LRRTM4: variants seen among roughly 807,000 people sequenced by gnomAD.
LRRTM4 encodes the protein leucine rich repeat transmembrane neuronal 4.
Under a neutral mutation model 47.6 loss-of-function variants are expected in LRRTM4, and 25 were observed. That is an observed-to-expected ratio of 0.53 (90% confidence interval 0.38 to 0.73). The LOEUF (loss-of-function observed/expected upper bound fraction) is 0.73. Among genes scored for constraint, LRRTM4 ranks in the 30% least tolerant of loss-of-function variants. The probability of loss-of-function intolerance (pLI) is 0.00; values close to 1 mark genes in which losing one functional copy is unlikely to be tolerated. For missense variants in LRRTM4, 638 were observed against 713.4 expected (o/e 0.89, Z 1.20); for synonymous variants, 311 against 269.5 (o/e 1.15, Z -1.51).
At chr2:77,165,924 C>T (rs979065965) in intron 3 of LRRTM4, among the ~76,000 whole-genome samples, 1 of 152,162 alleles carries the variant, frequency 6.6e-6, no homozygotes, top group African/African-American at 2.4e-5. Context: ...CCTCTCTCAC[C>T]ACTCCTAGTC....
intron 3 of LRRTM4, among the ~76,000 whole-genome samples, chr2:77,448,354 T>A (rs1676132595): frequency 6.6e-6 from 1 of 152,170 alleles, no homozygotes; most frequent in Non-Finnish European, 1.5e-5. Context: ...AGAGACGAAA[T>A]TATCACTCAT....
At chr2:76,889,388 A>C (rs1399868436) in intron 3 of LRRTM4, among the ~76,000 whole-genome samples, 1 of 151,986 alleles carries the variant, frequency 6.6e-6, no homozygotes, top group Non-Finnish European at 1.5e-5. Context: ...TCTTAAAGAA[A>C]ACAAATGAGA....
intron 3 of LRRTM4, among the ~76,000 whole-genome samples, chr2:77,048,739 T>A (rs1433196645): frequency 6.6e-6 from 1 of 151,946 alleles, no homozygotes; most frequent in Non-Finnish European, 1.5e-5. Flanking sequence ...TTAGCATATC[T>A]ATCATCTCAT....
chr2:77,216,757 GTGCATC>G (rs1252908301), intron 3 of LRRTM4, among the ~76,000 whole-genome samples: 6 of 151,558 alleles, frequency 4.0e-5, no homozygotes. Flanking sequence ...AGACTTAGTT[GTGCATC>G]TGTATCACTT....
Position 77,522,159 on chromosome 2 carries a change from A to T in LRRTM4, c.-198T>A, listed in dbSNP as rs1384570032. The T allele has an allele frequency of 1.4e-6, 1 of 715,234 alleles. No homozygotes were observed. Among genetic ancestry groups the T allele is most frequent in the African/African-American group, 1.8e-5 (1 of 57,118 alleles). The allele number at this position is 715,234 out of a possible 1,614,324, so 44.3% of individuals were successfully genotyped here. Reference sequence around the variant, plus strand: ...TTGCCATTCCCAGATAAAGCAATTCATCCTCTGGATTTTCAGTTCTTGAAG... The same window carrying T: ...TTGCCATTCCCAGATAAAGCAATTCTTCCTCTGGATTTTCAGTTCTTGAAG... On this transcript the variant is annotated 5_prime_UTR_variant, in exon 1 of 4. The change abolishes an upstream ATG in the 5' untranslated region. Transcript: ENST00000409884.
At chr2:77,190,666 T>C (rs954430014) in intron 3 of LRRTM4, among the ~76,000 whole-genome samples, 1 of 152,192 alleles carries the variant, frequency 6.6e-6, no homozygotes, top group Non-Finnish European at 1.5e-5. Flanking sequence ...CAGCTGGCCA[T>C]GCATTCTTTC....
chr2:76,784,533 TTC>T (rs909906102), intron 3 of LRRTM4, among the ~76,000 whole-genome samples: 3 of 152,064 alleles, frequency 2.0e-5, no homozygotes, highest in African/African-American at 7.2e-5. Flanking sequence ...ATACTTAGAT[TTC>T]TCTTTTGTTT....
At chr2:77,223,781 T>A (rs1377127542) in intron 3 of LRRTM4, among the ~76,000 whole-genome samples, 1 of 152,206 alleles carries the variant, frequency 6.6e-6, no homozygotes, top group Non-Finnish European at 1.5e-5. Context: ...ATGGCCATAC[T>A]GCCCAAGGTA....
Position 76,796,100 on chromosome 2 carries a change from T to A in LRRTM4, c.1552-47184A>T, listed in dbSNP as rs571322627. Among the ~76,000 whole-genome samples the A allele has an allele frequency of 2.2e-5, 3 of 137,240 alleles. 1 individual carries two copies. Among genetic ancestry groups the A allele is most frequent in the Non-Finnish European group, 3.2e-5 (2 of 63,000 alleles). The allele number at this position is 137,240 out of a possible 152,430, so 90.0% of individuals were successfully genotyped here. A position where few individuals can be genotyped will look rare whatever the true frequency, so the allele number is the denominator to read the frequency against. ...GTCACTCCCACCCGAATACTGCGCT[T>A]TTCAGACAGGCTTAAAAAAACGGCA... is the stretch of plus-strand genomic sequence containing the variant. On this transcript the variant is annotated intron_variant, in intron 3 of 3. Coordinates refer to ENST00000409884, the MANE Select transcript of LRRTM4 (RefSeq NM_001134745.3).
chr2:77,010,325 CTTTCTG>C (rs1295956355), intron 3 of LRRTM4, among the ~76,000 whole-genome samples: 3 of 145,214 alleles, frequency 2.1e-5, no homozygotes, highest in Admixed American at 7.1e-5. Context: ...TACTATTTTA[CTTTCTG>C]TTTCTATGAG....
intron 3 of LRRTM4, among the ~76,000 whole-genome samples, chr2:77,108,373 A>G (rs1363828919): frequency 2.6e-5 from 4 of 152,204 alleles, no homozygotes; most frequent in African/African-American, 9.6e-5. Context: ...AACATTGTAT[A>G]AGAAAGTTCC....
chr2:76,820,471 A>C (rs543383028), intron 3 of LRRTM4, among the ~76,000 whole-genome samples: 2 of 151,928 alleles, frequency 1.3e-5, no homozygotes, highest in Non-Finnish European at 2.9e-5. Context: ...GTGAAGGCAA[A>C]ACAAGAATCT....
intron 3 of LRRTM4, among the ~76,000 whole-genome samples, chr2:76,775,613 T>A (rs1466736587): frequency 6.6e-6 from 1 of 152,134 alleles, no homozygotes; most frequent in Non-Finnish European, 1.5e-5. Flanking sequence ...GTGTTTATCT[T>A]TTACCATCAA....
intron 3 of LRRTM4, among the ~76,000 whole-genome samples, chr2:76,754,175 G>C (rs1021972817): frequency 1.3e-5 from 2 of 152,130 alleles, no homozygotes; most frequent in African/African-American, 2.4e-5. Context: ...AATGAAGATA[G>C]ACACTTCACT....
chr2:76,929,997 A>C (rs1318905041), intron 3 of LRRTM4, among the ~76,000 whole-genome samples: 1 of 151,330 alleles, frequency 6.6e-6, no homozygotes, highest in Non-Finnish European at 1.5e-5. Context: ...CTTAGAGTGA[A>C]ATCCAGTTTG....
At chr2:77,309,137 T>A (rs765257639) in intron 3 of LRRTM4, among the ~76,000 whole-genome samples, 33 of 152,112 alleles carry the variant, frequency 2.2e-4, no homozygotes, top group African/African-American at 7.7e-4. Context: ...TTTATGACAA[T>A]CTTTTCCTAT....
At chr2:76,861,361 C>A (rs190023505) in intron 3 of LRRTM4, among the ~76,000 whole-genome samples, 56 of 152,184 alleles carry the variant, frequency 3.7e-4, no homozygotes, top group Admixed American at 1.4e-3. Context: ...TCTTTCTGCA[C>A]ATCACCAATT....
At chr2:77,299,314 CAT>C (rs1491502062) in intron 3 of LRRTM4, among the ~76,000 whole-genome samples, 16 of 149,530 alleles carry the variant, frequency 1.1e-4, no homozygotes, top group African/African-American at 3.2e-4. Context: ...CACGTATATA[CAT>C]ATATATGTGT....
chr2:77,304,879 T>A (rs1677231307), intron 3 of LRRTM4, among the ~76,000 whole-genome samples: 1 of 152,110 alleles, frequency 6.6e-6, no homozygotes. Context: ...AATGCCTTTC[T>A]GAGTCCAAAA....
Sources: gnomAD v4.1 joint callset for allele counts (sites outside exome capture counted in the v4.1 genomes callset) on GRCh38, gnomAD v4.1.1 for gene constraint, MANE v1.5 for transcripts, NCBI Gene and HGNC (gene_info 2026-07-23, HGNC 2026-07-21) for gene names.